IFI6: variants seen among roughly 807,000 people sequenced by gnomAD.
The protein encoded by IFI6 is interferon alpha inducible protein 6.
A neutral mutation model predicts 12.7 loss-of-function variants in IFI6; 10 were observed. The observed-to-expected ratio is 0.79, with a 90% confidence interval of 0.49 to 1.33. IFI6 has a LOEUF of 1.33. Among genes scored for constraint, IFI6 ranks in the 40% most tolerant of loss-of-function variants. The pLI is 0.00. For synonymous variants in IFI6, 89 were observed against 86.2 expected, an observed-to-expected ratio of 1.03 and a Z score of -0.18; for missense variants, 154 against 180.4, an observed-to-expected ratio of 0.85 and a Z score of 0.84.
intron 4 of IFI6, among the ~76,000 whole-genome samples, chr1:27,666,719 A>G (rs2090354644): frequency 6.6e-6 from 1 of 152,224 alleles, no homozygotes; most frequent in Non-Finnish European, 1.5e-5. Context: ...TGGAAACGCC[A>G]TGTTATTAAT....
rs78580312 is a variant in IFI6, at chr1:27,666,977, C to T, written c.299-502G>A. 1.1e-3 allele frequency among the ~76,000 whole-genome samples: 154 copies of T among 136,206 alleles called. 1 individual carries two copies. Among genetic ancestry groups the T allele is most frequent in the African/African-American group, 4.0e-3 (145 of 36,430 alleles). 89.4% of individuals were successfully genotyped at this position (136,206 alleles called of 152,430 possible). ...TTCAGAATTGAGAGAAGAGAAGATG[C>T]GAGGTTCAGAAAGGCAGAGAGGGAA... On this transcript the variant is annotated intron_variant, in intron 4 of 4. Coordinates refer to ENST00000361157, the MANE Select transcript of IFI6 (RefSeq NM_002038.4).
chr1:27,669,122 TA>T, intron 2 of IFI6, 122 bp downstream of exon 2: 2 of 1,154,262 alleles, frequency 1.7e-6, no homozygotes, highest in Non-Finnish European at 2.5e-6. Context: ...CCCGCATCCT[TA>T]CCTGCATCCT....
Position 27,669,276 on chromosome 1 carries a change from C to T in IFI6, c.39G>A (p.Leu13=). ...CCACCCCACTGCAAGTGAAGAGCAGCAGGTAGCACAAGAAAAGCGATACCG... is the reference window on the plus strand; with the variant it reads ...CCACCCCACTGCAAGTGAAGAGCAGTAGGTAGCACAAGAAAAGCGATACCG... ...QKAVSLFLCY[L]LLFTCSGVEA... is the part of the protein sequence containing the mutation. Residue 13 remains leucine (L), a synonymous_variant, in exon 2 of 5, where the codon CTG becomes CTA. Coordinates refer to ENST00000361157, the MANE Select transcript of IFI6 (RefSeq NM_002038.4). The T allele has an allele frequency of 1.3e-6, 2 of 1,552,246 alleles. No homozygotes were observed. Among genetic ancestry groups the T allele is most frequent in the Non-Finnish European group, 1.7e-6 (2 of 1,147,194 alleles).
At chr1:27,669,990 G>A (rs560756474) in intron 1 of IFI6, 3 of 152,236 alleles carry the variant, frequency 2.0e-5, no homozygotes, top group Non-Finnish European at 4.4e-5. Context: ...AAGTGTGGGG[G>A]TTTCTCCCCA....
In IFI6 at chr1:27,669,329, C is replaced by T. The variant is rs2090386543; in HGVS notation, c.-15G>A. The stretch of plus-strand genomic sequence containing the variant: ...TTCTGCCGCATGGTGGCGCCGCGCG[C>T]GGGCTCCGTCACTAGACCTGCGAAC... On this transcript the variant is annotated 5_prime_UTR_variant, in exon 2 of 5. Transcript: ENST00000361157. 6 of 1,552,140 alleles carry T rather than the reference C, an allele frequency of 3.9e-6. No individual in the cohort carries two copies. The highest frequency in any genetic ancestry group is 2.4e-5 in the South Asian group (2 of 84,126).
chr1:27,668,498 G>A lies in IFI6; in HGVS notation c.108C>T (p.Ser36=). Reference sequence around the variant, plus strand: ...TGAAGGTCAGGGCCTTCCAGAACCCGGAGCCGCTGTCCGAGCTCTCCGAGC... The same window carrying A: ...TGAAGGTCAGGGCCTTCCAGAACCCAGAGCCGCTGTCCGAGCTCTCCGAGC... ...KKCSESSDSG[S]GFWKALTFMA... The change falls in exon 3 of 5, where the codon TCC becomes TCT. Residue 36 remains serine, a synonymous_variant. Coordinates refer to ENST00000361157, the MANE Select transcript of IFI6 (RefSeq NM_002038.4). 3 of 1,611,110 alleles carry A rather than the reference G, an allele frequency of 1.9e-6. No individual in the cohort carries two copies. The highest frequency in any genetic ancestry group is 2.2e-5 in the East Asian group (1 of 44,720).
chr1:27,669,213 C>T (rs185674582), intron 2 of IFI6, 32 bp downstream of exon 2: 16,193 of 1,545,942 alleles, frequency 0.01, 118 homozygotes, highest in South Asian at 0.021. Flanking sequence ...CCTTACCTGT[C>T]CCCTTACCTG....
At chr1:27,666,558 C>A in intron 4 of IFI6, 83 bp from the exon 5 acceptor site, 1 of 938,926 alleles carries the variant, frequency 1.1e-6, no homozygotes, top group Non-Finnish European at 1.7e-6. Flanking sequence ...TGGTTGAGTC[C>A]AACCCCTTAT....
chr1:27,668,645 C>T (rs545321784), intron 2 of IFI6, 110 bp from the exon 3 acceptor site: 12 of 815,046 alleles, frequency 1.5e-5, no homozygotes, highest in East Asian at 8.1e-5. Flanking sequence ...CCACCACTCT[C>T]CTACTCAGAG....
At chr1:27,667,938 G>T (rs1271080842) in intron 4 of IFI6, among the ~76,000 whole-genome samples, 1 of 152,254 alleles carries the variant, frequency 6.6e-6, no homozygotes, top group Non-Finnish European at 1.5e-5. Context: ...GGGCGTGGTG[G>T]CGTGTGCCTG....
intron 4 of IFI6, among the ~76,000 whole-genome samples, chr1:27,666,797 A>G (rs2090355148): frequency 6.6e-6 from 1 of 152,062 alleles, no homozygotes; most frequent in African/African-American, 2.4e-5. Context: ...GGATCATTTC[A>G]TCTTGTCACA....
chr1:27,669,047 C>A lies in IFI6; in HGVS notation c.70+198G>T, dbSNP rs1174841647. Among the ~76,000 whole-genome samples, 4 of 2,582 alleles carry A rather than the reference C, an allele frequency of 1.5e-3. No homozygotes were observed. The South Asian group carries it at 0.056, about 36-fold the overall frequency. The allele number at this position is 2,582 out of a possible 152,430, so 1.7% of individuals were successfully genotyped here. A position where few individuals can be genotyped will look rare whatever the true frequency, so the allele number is the denominator to read the frequency against. On this transcript the variant is annotated intron_variant, in intron 2 of 4. Transcript: ENST00000361157. ...CCCTTACCTGCATCCTTACCTGCAT[C>A]CTTACCCGCATCCTTACCTGCATCC...
At chr1:27,668,410 G>C in intron 3 of IFI6, 35 bp from the exon 4 acceptor site, 1 of 1,584,578 alleles carries the variant, frequency 6.3e-7, no homozygotes, top group Admixed American at 1.7e-5. Context: ...GAGCGTCCGC[G>C]GCAGAGGCCC....
At chr1:27,666,769 G>A (rs2090354987) in intron 4 of IFI6, among the ~76,000 whole-genome samples, 1 of 152,138 alleles carries the variant, frequency 6.6e-6, no homozygotes, top group Non-Finnish European at 1.5e-5. Flanking sequence ...GTGTGGGTGT[G>A]GGGGGTTCAC....
chr1:27,671,600 A>T (rs2148546094), intron 1 of IFI6, among the ~76,000 whole-genome samples: 1 of 151,572 alleles, frequency 6.6e-6, no homozygotes, highest in African/African-American at 2.4e-5. Context: ...GTTAGCCAGG[A>T]TGGTCTCGAT....
chr1:27,666,860 G>C (rs138600730), intron 4 of IFI6, among the ~76,000 whole-genome samples: 3 of 152,046 alleles, frequency 2.0e-5, no homozygotes, highest in Non-Finnish European at 4.4e-5. Context: ...GTGTCCCTGG[G>C]CTCGCCCACA....
intron 2 of IFI6, 124 bp downstream of exon 2, chr1:27,669,121 T>C: frequency 1.7e-6 from 2 of 1,162,656 alleles, no homozygotes; most frequent in Non-Finnish European, 2.5e-6. Context: ...ACCCGCATCC[T>C]TACCTGCATC....
intron 4 of IFI6, 67 bp downstream of exon 4, chr1:27,668,159 T>A: frequency 5.9e-6 from 8 of 1,349,910 alleles, no homozygotes; most frequent in Non-Finnish European, 7.7e-6. Context: ...GTGCCTCAGT[T>A]TCCCCAGATG....
chr1:27,668,213 G>T lies in IFI6; in HGVS notation c.298+13C>A, dbSNP rs757144464. On this transcript the variant is annotated intron_variant, in intron 4 of 4. Transcript: ENST00000361157. ...AAAGAACGTCCCACCAGGGGCCCAG[G>T]CCCCGCACTCACCGAGGCTCTGCAG... 2 of 1,506,246 alleles carry T rather than the reference G, an allele frequency of 1.3e-6. No homozygotes were observed. Among genetic ancestry groups the T allele is most frequent in the Non-Finnish European group, 1.8e-6 (2 of 1,135,078 alleles). 93.3% of individuals were successfully genotyped at this position (1,506,246 alleles called of 1,614,324 possible).
Sources: gnomAD v4.1 joint callset for allele counts (sites outside exome capture counted in the v4.1 genomes callset) on GRCh38, gnomAD v4.1.1 for gene constraint, MANE v1.5 for transcripts, NCBI Gene and HGNC (gene_info 2026-07-23, HGNC 2026-07-21) for gene names.